DMD: variants seen among roughly 807,000 people sequenced by gnomAD.
The protein encoded by DMD is dystrophin.
Under a neutral mutation model 330.1 loss-of-function variants are expected in DMD, and 63 were observed. That is an observed-to-expected ratio of 0.19 (90% CI 0.16 to 0.24). The LOEUF (loss-of-function observed/expected upper bound fraction) is 0.24, where lower values mean the gene tolerates loss of function less well. Ranked by LOEUF, DMD falls within the 10% of genes least tolerant of loss-of-function variation. The probability of loss-of-function intolerance (pLI) is 1.00; values close to 1 mark genes in which losing one functional copy is unlikely to be tolerated. For missense variants in DMD, 3,344 were observed against 2,684.1 expected, an observed-to-expected ratio of 1.25 and a Z score of -5.43; for synonymous variants, 1,223 against 959.8, an observed-to-expected ratio of 1.27 and a Z score of -5.07.
intron 2 of DMD, among the ~76,000 whole-genome samples, chrX:32,880,250 T>A (rs559630728): frequency 9.5e-5 from 10 of 105,213 alleles, no homozygotes; most frequent in South Asian, 4.4e-4. Context: ...TTTTTTTTTT[T>A]AATCAGCCAA....
At chrX:32,968,846 G>A (rs1013449699) in intron 2 of DMD, among the ~76,000 whole-genome samples, 6 of 107,310 alleles carry the variant, frequency 5.6e-5, no homozygotes, top group Non-Finnish European at 5.8e-5. Flanking sequence ...TGGCCAAAAT[G>A]GTGAAACCCC....
intron 17 of DMD, among the ~76,000 whole-genome samples, chrX:32,540,020 G>C (rs900182723): frequency 4.5e-5 from 5 of 111,700 alleles, no homozygotes; most frequent in African/African-American, 1.6e-4. Context: ...TCTTTATTAA[G>C]ATGGCATTCA....
intron 47 of DMD, 74 bp from the exon 48 acceptor site, chrX:31,875,447 C>A: frequency 7.6e-6 from 6 of 787,371 alleles, no homozygotes; most frequent in East Asian, 3.6e-5. Context: ...AATATATTTT[C>A]AAAAGTTATT....
intron 13 of DMD, among the ~76,000 whole-genome samples, chrX:32,575,159 A>G (rs150766712): frequency 0.033 from 3,656 of 111,272 alleles, 139 homozygotes; most frequent in African/African-American, 0.11. Context: ...CAGCCTCCCA[A>G]AGTGATGGGA....
chrX:33,072,234 ATAGTGAAACCCCTTCTC>A (rs2094769804), intron 1 of DMD, among the ~76,000 whole-genome samples: 1 of 111,952 alleles, frequency 8.9e-6, no homozygotes, highest in African/African-American at 3.2e-5. Context: ...CCTGGTCAGC[ATAGTGAAACCCCTTCTC>A]TACTAAAAAT....
At chrX:31,976,110 C>G (rs1870321) in intron 44 of DMD, among the ~76,000 whole-genome samples, 2 of 108,908 alleles carry the variant, frequency 1.8e-5, no homozygotes, top group Non-Finnish European at 3.8e-5. Flanking sequence ...GGAGACCAAG[C>G]AGGAGATATC....
intron 1 of DMD, among the ~76,000 whole-genome samples, chrX:33,163,905 A>G (rs1433292715): frequency 1.8e-5 from 2 of 110,932 alleles, no homozygotes; most frequent in Non-Finnish European, 3.8e-5. Context: ...AAATGTTGTG[A>G]ATTCTTTTTT....
intron 27 of DMD, among the ~76,000 whole-genome samples, chrX:32,444,378 A>G (rs890781018): frequency 2.7e-5 from 3 of 110,446 alleles, no homozygotes; most frequent in African/African-American, 9.9e-5. Context: ...AAAAGACAAA[A>G]ATTCCAGTAA....
intron 20 of DMD, among the ~76,000 whole-genome samples, chrX:32,489,858 TAAATTA>T (rs1404230543): frequency 3.6e-5 from 4 of 112,042 alleles, no homozygotes; most frequent in African/African-American, 1.3e-4. Context: ...GTTCTATTCT[TAAATTA>T]CAAAATGCAT....
At chrX:31,131,107 G>A (rs1223024860) in intron 77 of DMD, among the ~76,000 whole-genome samples, 1 of 111,785 alleles carries the variant, frequency 8.9e-6, no homozygotes, top group Non-Finnish European at 1.9e-5. Flanking sequence ...GGATGGTAGT[G>A]TTAGAATAAA....
intron 63 of DMD, among the ~76,000 whole-genome samples, chrX:31,257,124 A>G (rs1024497603): frequency 9.3e-6 from 1 of 107,000 alleles, no homozygotes; most frequent in Non-Finnish European, 1.9e-5. Context: ...CAAGGCAGGT[A>G]ACATAAACAT....
chrX:31,265,444 AT>A (rs1459376483), intron 62 of DMD, among the ~76,000 whole-genome samples: 1 of 110,989 alleles, frequency 9.0e-6, no homozygotes, highest in Non-Finnish European at 1.9e-5. Context: ...GATATTTACC[AT>A]TTTATTCTGT....
chrX:33,302,810 T>C (rs1031439653), intron 1 of DMD, among the ~76,000 whole-genome samples: 3 of 111,498 alleles, frequency 2.7e-5, no homozygotes, highest in Non-Finnish European at 5.7e-5. Context: ...GAGTAAAGGT[T>C]CATTCTTGGG....
At chrX:33,109,656 A>G (rs1038981020) in intron 1 of DMD, among the ~76,000 whole-genome samples, 7 of 111,947 alleles carry the variant, frequency 6.3e-5, no homozygotes, top group Non-Finnish European at 1.1e-4. Flanking sequence ...CCCACAGGCC[A>G]GACAAGTGAC....
intron 7 of DMD, 68 bp downstream of exon 7, chrX:32,809,425 A>T (rs2077182065): frequency 1.1e-6 from 1 of 901,312 alleles, no homozygotes; most frequent in South Asian, 2.0e-5. Context: ...TGTAGAAATG[A>T]CAAGTCTCAG....
rs1297161809 is a variant in DMD, at chrX:31,121,148, A to G, written c.*771T>C. 1.8e-5 allele frequency: 2 copies of G among 111,612 alleles called. No homozygotes were observed. Among genetic ancestry groups the G allele is most frequent in the African/African-American group, 6.5e-5 (2 of 30,644 alleles). 9.2% of individuals were successfully genotyped at this position (111,612 alleles called of 1,213,427 possible). On this transcript the variant is annotated 3_prime_UTR_variant, in exon 79 of 79. Transcript: ENST00000357033. ...TAATTTCTTTCTATTAGGATGTGAC[A>G]TGAACATTTAAAAAATGGAAAAAGT... is the stretch of plus-strand genomic sequence containing the variant.
chrX:32,405,388 A>G (rs989813443), intron 30 of DMD, among the ~76,000 whole-genome samples: 2 of 111,740 alleles, frequency 1.8e-5, no homozygotes, highest in African/African-American at 6.5e-5. Flanking sequence ...TTAATTTTTT[A>G]TTTATTTCCA....
chrX:32,224,556 TCTCA>T (rs1377654618), intron 43 of DMD, among the ~76,000 whole-genome samples: 9 of 111,597 alleles, frequency 8.1e-5, no homozygotes, highest in African/African-American at 1.6e-4. Flanking sequence ...GTAGTTCTGC[TCTCA>T]CTGTTAATAA....
intron 41 of DMD, among the ~76,000 whole-genome samples, chrX:32,333,175 C>A (rs1186453309): frequency 9.0e-6 from 1 of 111,592 alleles, no homozygotes; most frequent in East Asian, 2.8e-4. Flanking sequence ...TAAGACTTTT[C>A]CATTTTTTTA....
Sources: gnomAD v4.1 joint callset for allele counts (sites outside exome capture counted in the v4.1 genomes callset) on GRCh38, gnomAD v4.1.1 for gene constraint, MANE v1.5 for transcripts, NCBI Gene and HGNC (gene_info 2026-07-23, HGNC 2026-07-21) for gene names.